REX1BD: variants seen among roughly 807,000 people sequenced by gnomAD.
REX1BD encodes the protein required for excision 1-B domain-containing protein.
REX1BD carries 22 observed loss-of-function variants against 24.4 expected under a neutral mutation model. The observed-to-expected ratio is 0.90, with a 90% CI of 0.64 to 1.29. The LOEUF is 1.29. Ranked by LOEUF, REX1BD falls within the 50% of genes most tolerant of loss-of-function variation. REX1BD has a pLI of 0.00. For synonymous variants in REX1BD, 146 were observed against 125.9 expected (o/e 1.16, Z -1.07); for missense variants, 293 against 285.3 (o/e 1.03, Z -0.19).
At chr19:18,589,333 C>T (rs1267903070) in intron 2 of REX1BD, 80 bp from the exon 3 acceptor site, 3 of 1,547,912 alleles carry the variant, frequency 1.9e-6, no homozygotes, top group Non-Finnish European at 2.6e-6. Flanking sequence ...TCGCGTTCCC[C>T]TGCGGGAGTC....
chr19:18,589,083 T>TGG lies in REX1BD; in HGVS notation c.182+10_182+11dup. 1.3e-6 allele frequency: 2 copies of TGG among 1,497,912 alleles called. No homozygotes were observed. The highest frequency in any genetic ancestry group is 2.5e-5 in the East Asian group (1 of 40,264). 92.8% of individuals were successfully genotyped at this position (1,497,912 alleles called of 1,614,324 possible). ...GGCTTCCGCCGACTGGAGGAGTGAG[T>TGG]GGGGGCGCGGAGGGGCTCAGGGTTC... On this transcript the variant is annotated splice_region_variant and intron_variant, in intron 2 of 4. Coordinates refer to ENST00000358607, the MANE Select transcript of REX1BD (RefSeq NM_001100418.2).
At chr19:18,592,015 G>T in intron 4 of REX1BD, 93 bp from the exon 5 acceptor site, 2 of 1,474,958 alleles carry the variant, frequency 1.4e-6, no homozygotes, top group Non-Finnish European at 1.9e-6. Context: ...GAGGGCCTGG[G>T]GCTCACCACA....
Position 18,589,109 on chromosome 19 carries a change from G to T in REX1BD, c.182+32G>T, listed in dbSNP as rs1330067892. On this transcript the variant is annotated intron_variant, in intron 2 of 4. Transcript: ENST00000358607. ...GGGGGCGCGGAGGGGCTCAGGGTTCGGTCCCCCGCCCGCTCCGGGCGTGGG... is the reference window on the plus strand; with the variant it reads ...GGGGGCGCGGAGGGGCTCAGGGTTCTGTCCCCCGCCCGCTCCGGGCGTGGG... 9 of 1,472,330 alleles carry T rather than the reference G, an allele frequency of 6.1e-6. No homozygotes were observed. The African/African-American group carries it at 7.1e-5, about 12-fold the overall frequency. The allele number at this position is 1,472,330 out of a possible 1,614,324, so 91.2% of individuals were successfully genotyped here.
At chr19:18,589,306 G>A (rs1975985226) in intron 2 of REX1BD, 107 bp from the exon 3 acceptor site, 1 of 1,543,034 alleles carries the variant, frequency 6.5e-7, no homozygotes, top group Admixed American at 2.0e-5. Context: ...CTCCCCAAGA[G>A]CAGGGGTGGG....
chr19:18,590,904 C>T lies in REX1BD; in HGVS notation c.504C>T (p.Asp168=), dbSNP rs765951960. 3 of 1,599,542 alleles carry T rather than the reference C, an allele frequency of 1.9e-6. No homozygotes were observed. The highest frequency in any genetic ancestry group is 3.4e-5 in the Admixed American group (2 of 58,116). ...METPELAGQE[D]AVRMQQLKMK... is the part of the protein sequence containing the mutation. ...CGCCAGAGCTGGCGGGGCAGGAGGA[C>T]GCTGTACGGATGCAGCAGCTGAAAA... The change falls in exon 4 of 5, where the codon GAC becomes GAT. Residue 168 remains aspartate (D), a synonymous_variant. Coordinates refer to ENST00000358607, the MANE Select transcript of REX1BD (RefSeq NM_001100418.2).
At chr19:18,590,710 C>T (rs892266674) in intron 3 of REX1BD, 144 bp from the exon 4 acceptor site, 4 of 712,140 alleles carry the variant, frequency 5.6e-6, no homozygotes, top group East Asian at 2.8e-5. Flanking sequence ...ATTTCGGACT[C>T]TTCCTACACA....
intron 3 of REX1BD, chr19:18,590,207 TTCTGG>T (rs1393792936): frequency 1.8e-5 from 2 of 110,562 alleles, no homozygotes; most frequent in African/African-American, 5.4e-5. Context: ...GCCTTTTTCT[TTCTGG>T]TGTTTTTTTT....
At chr19:18,591,086 G>A (rs1418297352) in intron 4 of REX1BD, 153 bp downstream of exon 4, 6 of 649,392 alleles carry the variant, frequency 9.2e-6, no homozygotes, top group Admixed American at 3.5e-5. Context: ...GGGCACAGCC[G>A]TGAAACTTCA....
chr19:18,588,961 G>C lies in REX1BD; in HGVS notation c.100-34G>C. On this transcript the variant is annotated intron_variant, in intron 1 of 4. Transcript: ENST00000358607. Reference sequence around the variant, plus strand: ...GGGCGGCGCAGACCCAGGGGCGCGGGCTTCATGCCCCAGCCGTGCCCCCTG... The same window carrying C: ...GGGCGGCGCAGACCCAGGGGCGCGGCCTTCATGCCCCAGCCGTGCCCCCTG... 7 of 1,523,276 alleles carry C rather than the reference G, an allele frequency of 4.6e-6. No homozygotes were observed. The South Asian group carries it at 8.5e-5, about 18-fold the overall frequency. 94.4% of individuals were successfully genotyped at this position (1,523,276 alleles called of 1,614,324 possible). A position where few individuals can be genotyped will look rare whatever the true frequency, so the allele number is the denominator to read the frequency against.
intron 4 of REX1BD, 144 bp downstream of exon 4, chr19:18,591,077 G>A: frequency 5.7e-6 from 4 of 698,024 alleles, no homozygotes; most frequent in Non-Finnish European, 9.0e-6. Context: ...TTCCCCAGAG[G>A]GCACAGCCGT....
chr19:18,590,738 GTTC>G (rs1305867604), intron 3 of REX1BD, 113 bp from the exon 4 acceptor site: 3 of 947,978 alleles, frequency 3.2e-6, no homozygotes, highest in Non-Finnish European at 4.7e-6. Context: ...GCCCCTCGTG[GTTC>G]TACCCGGGCA....
chr19:18,590,546 C>T (rs1470278118), intron 3 of REX1BD: 2 of 300,264 alleles, frequency 6.7e-6, no homozygotes, highest in Non-Finnish European at 1.3e-5. Flanking sequence ...TATCCTGGGT[C>T]CCCGTCCCTG....
In REX1BD at chr19:18,592,217, A is replaced by G; in HGVS notation, c.*37A>G. The G allele has an allele frequency of 6.2e-7, 1 of 1,612,684 alleles. No individual in the cohort carries two copies. The highest frequency in any genetic ancestry group is 8.5e-7 in the Non-Finnish European group (1 of 1,179,078). On this transcript the variant is annotated 3_prime_UTR_variant, in exon 5 of 5. Transcript: ENST00000358607. ...CAGGGATGCGCCGAGGGAGATGGGA[A>G]ACGGGGCGGATGGCGCCCAGCCCAG...
Position 18,588,812 on chromosome 19 carries a change from A to G in REX1BD, c.11A>G (p.Glu4Gly). 2.6e-6 allele frequency: 4 copies of G among 1,532,538 alleles called. No individual in the cohort carries two copies. Among genetic ancestry groups the G allele is most frequent in the Non-Finnish European group, 3.5e-6 (4 of 1,145,682 alleles). The allele number at this position is 1,532,538 out of a possible 1,614,324, so 94.9% of individuals were successfully genotyped here. A position where few individuals can be genotyped will look rare whatever the true frequency, so the allele number is the denominator to read the frequency against. The stretch of plus-strand genomic sequence containing the variant: ...CAGGGCTGCGCAGTCATGATCACCG[A>G]GACCGCGGCGGAGCCTACGGTCCCT... MITETAAEPTVPAV... is the reference protein window; with the variant it reads MITGTAAEPTVPAV... Residue 4 changes from glutamate (E) to glycine (G), a missense_variant, in exon 1 of 5, where the codon GAG (glutamate) becomes GGG (glycine). Physicochemically the swap from Glu to Gly is moderately conservative, Grantham distance 98. Coordinates refer to ENST00000358607, the MANE Select transcript of REX1BD (RefSeq NM_001100418.2).
chr19:18,589,112 C>T (rs541067224), intron 2 of REX1BD, 35 bp downstream of exon 2: 335 of 1,469,214 alleles, frequency 2.3e-4, no homozygotes, highest in Middle Eastern at 1.3e-3. Flanking sequence ...AGGGTTCGGT[C>T]CCCCGCCCGC....
At position 18,588,986 on chromosome 19, in the gene REX1BD, G is replaced by C; in HGVS notation, c.100-9G>C. The C allele has an allele frequency of 1.3e-6, 2 of 1,527,416 alleles. No homozygotes were observed. The highest frequency in any genetic ancestry group is 1.7e-6 in the Non-Finnish European group (2 of 1,143,736). The allele number at this position is 1,527,416 out of a possible 1,614,324, so 94.6% of individuals were successfully genotyped here. On this transcript the variant is annotated splice_polypyrimidine_tract_variant and intron_variant, in intron 1 of 4. Coordinates refer to ENST00000358607, the MANE Select transcript of REX1BD (RefSeq NM_001100418.2). ...GCTTCATGCCCCAGCCGTGCCCCCT[G>C]TCCCGCAGAAAGACGCCCCGATCCG...
chr19:18,589,714 T>C (rs1397920242), intron 3 of REX1BD, 31 bp downstream of exon 3: 3 of 1,445,698 alleles, frequency 2.1e-6, no homozygotes, highest in East Asian at 5.1e-5. Context: ...CCGCCGTGTC[T>C]CTAGGACCCT....
rs1399462135 is a variant in REX1BD, at chr19:18,589,635, C to G, written c.405C>G (p.Ala135=). 1 of 1,515,882 alleles carries G rather than the reference C, an allele frequency of 6.6e-7. No individual in the cohort carries two copies. The highest frequency in any genetic ancestry group is 8.8e-7 in the Non-Finnish European group (1 of 1,139,328). 93.9% of individuals were successfully genotyped at this position (1,515,882 alleles called of 1,614,324 possible). A position where few individuals can be genotyped will look rare whatever the true frequency, so the allele number is the denominator to read the frequency against. The change falls in exon 3 of 5, where the codon GCC becomes GCG. Residue 135 remains alanine, a synonymous_variant. Coordinates refer to ENST00000358607, the MANE Select transcript of REX1BD (RefSeq NM_001100418.2). ...GGCCTCGCAGGCAGCCGCTGCTCGC[C>G]GGCCACGTGCGCAGCCTGCAGGAGC... is the stretch of plus-strand genomic sequence containing the variant. ...LGGPRRQPLL[A]GHVRSLQELE...
In REX1BD at chr19:18,589,587, G is replaced by A. The variant is rs769709387; in HGVS notation, c.357G>A (p.Leu119=). The part of the protein sequence containing the change: ...QAFAAASREV[L]AVEAELGGPR... ...TCGCCGCCGCCTCGCGGGAGGTGCT[G>A]GCGGTGGAAGCAGAGCTGGGCGGGC... The change falls in exon 3 of 5, where the codon CTG becomes CTA. Residue 119 remains leucine (L), a synonymous_variant. Coordinates refer to ENST00000358607, the MANE Select transcript of REX1BD (RefSeq NM_001100418.2). 14 of 1,548,788 alleles carry A rather than the reference G, an allele frequency of 9.0e-6. No individual in the cohort carries two copies. The highest frequency in any genetic ancestry group is 4.7e-5 in the South Asian group (4 of 85,100).
Sources: gnomAD v4.1 joint callset for allele counts on GRCh38, gnomAD v4.1.1 for gene constraint, MANE v1.5 for transcripts, NCBI Gene and HGNC (gene_info 2026-07-23, HGNC 2026-07-21) for gene names.